The following PLCB2 variants were observed in gnomAD, a reference collection of about 807,000 sequenced individuals.
PLCB2 encodes the protein 1-phosphatidylinositol 4,5-bisphosphate phosphodiesterase beta-2.
A neutral mutation model predicts 141.7 loss-of-function variants in PLCB2; 115 were observed. The ratio of observed to expected loss-of-function variants is 0.81; its 90% confidence interval spans 0.70 to 0.95. PLCB2 has a LOEUF of 0.95. Ranked by LOEUF, PLCB2 falls within the 40% of genes least tolerant of loss-of-function variation. PLCB2 has a pLI of 0.00. For synonymous variants in PLCB2, 603 were observed against 595.6 expected (o/e 1.01, Z -0.18); for missense variants, 1,403 against 1,541.1 (o/e 0.91, Z 1.50).
intron 18 of PLCB2, 52 bp downstream of exon 18, chr15:40,294,884 G>T (rs372156825): frequency 9.3e-6 from 15 of 1,611,202 alleles, no homozygotes; most frequent in African/African-American, 8.0e-5. Context: ...ATGTAAAGGT[G>T]GGGGGCGCAG....
In PLCB2 at chr15:40,291,479, TC is replaced by T; in HGVS notation, c.2655del (p.Thr886ProfsTer10). On this transcript the variant is annotated frameshift_variant, in exon 26 of 32. Transcript: ENST00000260402. LOFTEE classifies it high-confidence loss of function. Reference protein sequence around the residue: ...EEAMKEAAEPRTASLEELREL... With the variant: ...EEAMKEAAEPXTASLEELREL... ...TCCCGGAGCTCCTCCAGGCTGGCGG[TC>T]CGCGGCTCTGCGGAGGCCCGGGTGA... 1.3e-6 allele frequency: 2 copies of T among 1,575,676 alleles called. No individual in the cohort carries two copies. Among genetic ancestry groups the T allele is most frequent in the Non-Finnish European group, 1.7e-6 (2 of 1,166,098 alleles).
At chr15:40,285,931 C>G, downstream of PLCB2, 1 of 985,460 alleles carries the variant, frequency 1.0e-6, no homozygotes, top group Admixed American at 6.1e-5. Context: ...GAGACAGTTC[C>G]AGGGAAGAAG....
chr15:40,286,398 C>G (rs1361061778), downstream of PLCB2, among the ~76,000 whole-genome samples: 1 of 152,230 alleles, frequency 6.6e-6, no homozygotes, highest in Non-Finnish European at 1.5e-5. Context: ...TCACCAGCCC[C>G]CTCACGCTGT....
rs762680544 is a variant in PLCB2 at position 40,298,940 on chromosome 15, C to T, written c.708G>A (p.Met236Ile). 3.1e-6 allele frequency: 5 copies of T among 1,607,262 alleles called. No individual in the cohort carries two copies. The South Asian group carries it at 4.4e-5, about 14-fold the overall frequency. The change falls in exon 9 of 32, where the codon ATG becomes ATA. Residue 236 changes from methionine (M) to isoleucine (I), a missense_variant. Met to Ile is a conservative substitution (Grantham distance 10). Around this residue, in one of 4 missense-constraint regions of PLCB2, gnomAD observed 975 missense variants for 1,141.1 expected, o/e 0.85. Coordinates refer to ENST00000260402, the MANE Select transcript of PLCB2 (RefSeq NM_004573.3). ...TSYHAKAKPYMTKEHLTKFIN... is the reference protein window; with the variant it reads ...TSYHAKAKPYITKEHLTKFIN... ...TGAATTTGGTCAGGTGCTCCTTCGTCATGTAGGGTTTGGCCTTAGCATGGC... is the reference window on the plus strand; with the variant it reads ...TGAATTTGGTCAGGTGCTCCTTCGTTATGTAGGGTTTGGCCTTAGCATGGC...
intron 5 of PLCB2, 33 bp from the exon 6 acceptor site, chr15:40,302,222 G>T (rs1317011272): frequency 6.2e-7 from 1 of 1,614,010 alleles, no homozygotes; most frequent in Non-Finnish European, 8.5e-7. Flanking sequence ...CAAGGCCCAG[G>T]GCTGGCATGC....
intron 2 of PLCB2, 64 bp from the exon 3 acceptor site, chr15:40,303,420 A>G: frequency 8.5e-7 from 1 of 1,177,598 alleles, no homozygotes; most frequent in Admixed American, 1.7e-5. Context: ...AGTCCAGGTC[A>G]AGAATGAGCA....
intron 19 of PLCB2, 78 bp from the exon 20 acceptor site, chr15:40,293,802 C>T (rs1566877315): frequency 6.8e-7 from 1 of 1,460,498 alleles, no homozygotes; most frequent in Non-Finnish European, 9.5e-7. Context: ...CCCCTGGCTG[C>T]CTAGAGCTGA....
chr15:40,307,192 G>T (rs1255472766), intron 1 of PLCB2, among the ~76,000 whole-genome samples: 1 of 152,186 alleles, frequency 6.6e-6, no homozygotes. Flanking sequence ...CTGGGTCTGA[G>T]CGCCCTGCCG....
chr15:40,287,468 G>A (rs2039631230), downstream of PLCB2, among the ~76,000 whole-genome samples: 1 of 152,178 alleles, frequency 6.6e-6, no homozygotes, highest in African/African-American at 2.4e-5. Context: ...GCAGTGAGTG[G>A]CTGCCCACAA....
At chr15:40,296,012 A>G (rs764588554) in intron 16 of PLCB2, among the ~76,000 whole-genome samples, 1 of 152,144 alleles carries the variant, frequency 6.6e-6, no homozygotes, top group Non-Finnish European at 1.5e-5. Context: ...GCCAGCCCAC[A>G]GCACAGTTCA....
Position 40,298,982 on chromosome 15 carries a change from G to A in PLCB2, c.684-18C>T, listed in dbSNP as rs2040376244. The A allele has an allele frequency of 1.2e-6, 2 of 1,602,626 alleles. No individual in the cohort carries two copies. The highest frequency in any genetic ancestry group is 1.7e-6 in the Non-Finnish European group (2 of 1,176,702). On this transcript the variant is annotated intron_variant, in intron 8 of 31. Transcript: ENST00000260402. ...TAGCATGGCTTCAAGCCAGAGAGAA[G>A]AGCACAGGTCCATATCCCTTGGGCC... is the stretch of plus-strand genomic sequence containing the variant.
chr15:40,306,006 G>A (rs1308812856), intron 1 of PLCB2, among the ~76,000 whole-genome samples: 1 of 152,212 alleles, frequency 6.6e-6, no homozygotes, highest in African/African-American at 2.4e-5. Flanking sequence ...ATTTTGTGAT[G>A]AAAAGTGACC....
At chr15:40,289,952 A>C (rs867931214) in intron 30 of PLCB2, 73 bp downstream of exon 30, 16 of 539,858 alleles carry the variant, frequency 3.0e-5, no homozygotes, top group Non-Finnish European at 4.7e-5. Context: ...AGAGAGAGAG[A>C]GAGAGAGAGA....
chr15:40,296,832 A>G lies in PLCB2; in HGVS notation c.1400T>C (p.Phe467Ser). 6.2e-7 allele frequency: 1 copy of G among 1,614,080 alleles called. No homozygotes were observed. Among genetic ancestry groups the G allele is most frequent in the Non-Finnish European group, 8.5e-7 (1 of 1,179,972 alleles). Residue 467 changes from phenylalanine to serine, a missense_variant, in exon 14 of 32, where the codon TTT becomes TCT. Physicochemically the swap from Phe to Ser is radical, Grantham distance 155. Transcript: ENST00000260402. ...CTTACTGGAGGAGGTGGGGCCAGAA[A>G]ACTGGTTCTTCTTGTTCTTGATGAG... is the stretch of plus-strand genomic sequence containing the variant. ...KILIKNKKNQ[F>S]SGPTSSSKDT...
rs758327423 is a variant in PLCB2, at chr15:40,296,592, ACCT to A, written c.1526_1528del (p.Glu509del). On this transcript the variant is annotated inframe_deletion, in exon 15 of 32. Transcript: ENST00000260402. ...TGACTCCTCCTCCTCTTCCTCTTCC[ACCT>A]CCTCCTCCTCCAGCTCAGTCCCTTC... 3.1e-6 allele frequency: 5 copies of A among 1,611,170 alleles called. No individual in the cohort carries two copies. The Admixed American group carries it at 5.0e-5, about 16-fold the overall frequency.
intron 16 of PLCB2, among the ~76,000 whole-genome samples, chr15:40,296,011 C>G (rs2040193617): frequency 1.3e-5 from 2 of 152,182 alleles, no homozygotes; most frequent in Non-Finnish European, 2.9e-5. Flanking sequence ...GGCCAGCCCA[C>G]AGCACAGTTC....
chr15:40,290,964 G>T, intron 27 of PLCB2, 54 bp downstream of exon 27: 12 of 1,529,972 alleles, frequency 7.8e-6, no homozygotes, highest in Non-Finnish European at 1.1e-5. Flanking sequence ...TGGGGTCCAT[G>T]GGGGGTGGGG....
At chr15:40,293,063 G>T in intron 20 of PLCB2, 38 bp from the exon 21 acceptor site, 1 of 1,348,566 alleles carries the variant, frequency 7.4e-7, no homozygotes, top group Non-Finnish European at 1.0e-6. Flanking sequence ...TGGGAGGGGA[G>T]AGAGGAGCCA....
Position 40,291,359 on chromosome 15 carries a change from G to T in PLCB2, c.2776C>A (p.Arg926=), listed in dbSNP as rs62021888. 442,798 of 1,524,284 alleles carry T rather than the reference G, an allele frequency of 0.29. 69,808 individuals are homozygous for T. Among genetic ancestry groups the T allele is most frequent in the Non-Finnish European group, 0.33 (373,634 of 1,142,574 alleles). 94.4% of individuals were successfully genotyped at this position (1,524,284 alleles called of 1,614,324 possible). The part of the protein sequence containing the change: ...GARRWEELLQ[R]GAAQLAELGP... ...AGCTCCGCCAGCTGCGCCGCGCCCC[G>T]CTGCAGCAGCTCCTCCCAGCGCCGC... Residue 926 remains arginine, a synonymous_variant, in exon 26 of 32, where the codon CGG becomes AGG. Coordinates refer to ENST00000260402, the MANE Select transcript of PLCB2 (RefSeq NM_004573.3).
Sources: gnomAD v4.1 joint callset for allele counts (sites outside exome capture counted in the v4.1 genomes callset) on GRCh38, gnomAD v4.1.1 for gene constraint, gnomAD v4.1.1 regional missense constraint, MANE v1.5 for transcripts, NCBI Gene and HGNC (gene_info 2026-07-23, HGNC 2026-07-21) for gene names.